Variants in CACNA1I observed in about 807,000 individuals in gnomAD.
The protein encoded by CACNA1I is voltage-dependent T-type calcium channel subunit alpha-1I.
A neutral mutation model predicts 201.6 loss-of-function variants in CACNA1I; 74 were observed. The ratio of observed to expected loss-of-function variants is 0.37; its 90% confidence interval spans 0.30 to 0.45. The LOEUF is 0.45. Among genes scored for constraint, CACNA1I ranks in the 20% least tolerant of loss-of-function variants. The probability of loss-of-function intolerance (pLI) is 1.00; values close to 1 mark genes in which losing one functional copy is unlikely to be tolerated. For synonymous variants in CACNA1I, 1,431 were observed against 1,345.2 expected, an observed-to-expected ratio of 1.06 and a Z score of -1.40; for missense variants, 2,346 against 3,138.1, an observed-to-expected ratio of 0.75 and a Z score of 6.03.
chr22:39,659,419 C>A lies in CACNA1I; in HGVS notation c.2331-14C>A, dbSNP rs1431625271. ...GCATGTGAGTCCGATGAGCCTCTTCCATCCTTTCCCCAGCATCCTTGGGAT... is the reference window on the plus strand; with the variant it reads ...GCATGTGAGTCCGATGAGCCTCTTCAATCCTTTCCCCAGCATCCTTGGGAT... On this transcript the variant is annotated splice_polypyrimidine_tract_variant and intron_variant, in intron 12 of 36. Coordinates refer to ENST00000402142, the MANE Select transcript of CACNA1I (RefSeq NM_021096.4). The surrounding 1 kb of genome is among the most constrained non-coding windows in gnomAD (Gnocchi z 4.3). 1 of 1,516,110 alleles carries A rather than the reference C, an allele frequency of 6.6e-7. No homozygotes were observed. The highest frequency in any genetic ancestry group is 2.0e-5 in the Admixed American group (1 of 51,110). The allele number at this position is 1,516,110 out of a possible 1,614,324, so 93.9% of individuals were successfully genotyped here.
chr22:39,656,318 C>T, intron 10 of CACNA1I: 1 of 493,260 alleles, frequency 2.0e-6, no homozygotes, highest in Non-Finnish European at 4.1e-6. Flanking sequence ...TGCTCTCGGT[C>T]CTCTGCTCTC....
At chr22:39,599,777 G>A (rs1426859461) in intron 2 of CACNA1I, among the ~76,000 whole-genome samples, 1 of 152,204 alleles carries the variant, frequency 6.6e-6, no homozygotes, top group Non-Finnish European at 1.5e-5. Flanking sequence ...TGAGTTCACC[G>A]AACAAGCACC....
At chr22:39,658,663 G>A (rs762544701) in intron 11 of CACNA1I, among the ~76,000 whole-genome samples, 2 of 152,314 alleles carry the variant, frequency 1.3e-5, no homozygotes, top group East Asian at 3.9e-4. Flanking sequence ...CAAAAGACAC[G>A]TTAAATCTCA....
intron 1 of CACNA1I, 22 bp downstream of exon 1, chr22:39,571,010 G>A (rs1370066815): frequency 6.3e-7 from 1 of 1,596,662 alleles, no homozygotes; most frequent in South Asian, 1.1e-5. Context: ...AGCCTCGGCT[G>A]ATCGGGGCCC....
At chr22:39,631,085 TC>T (rs1339580263) in intron 4 of CACNA1I, among the ~76,000 whole-genome samples, 1 of 152,166 alleles carries the variant, frequency 6.6e-6, no homozygotes, top group Non-Finnish European at 1.5e-5. Context: ...GTTGGAGGCT[TC>T]TGACTTCAGG....
At chr22:39,647,684 G>A (rs899351875) in intron 8 of CACNA1I, 138 bp from the exon 9 acceptor site, 2 of 642,364 alleles carry the variant, frequency 3.1e-6, no homozygotes, top group Non-Finnish European at 5.6e-6. Context: ...AAAGTGCTAG[G>A]ATTATAGGCA....
intron 1 of CACNA1I, among the ~76,000 whole-genome samples, chr22:39,585,727 G>GTTTTTTTTTT (rs34320968): frequency 3.6e-5 from 3 of 83,906 alleles, no homozygotes; most frequent in Admixed American, 2.1e-4. Context: ...AACTTTTAAA[G>GTTTTTTTTTT]TTTTTTTTTT....
At position 39,670,821 on chromosome 22, in the gene CACNA1I, A is replaced by C. The variant is rs1184025266; in HGVS notation, c.4406A>C (p.Tyr1469Ser). The C allele has an allele frequency of 1.2e-6, 2 of 1,613,498 alleles. No individual in the cohort carries two copies. The highest frequency in any genetic ancestry group is 1.7e-6 in the Non-Finnish European group (2 of 1,179,816). The change falls in exon 26 of 37, where the codon TAC (tyrosine) becomes TCC (serine). Residue 1469 changes from tyrosine (Y) to serine (S), a missense_variant. Transcript: ENST00000402142. The stretch of plus-strand genomic sequence containing the variant: ...CCTGCAGAGGCCCAGCGGCTGCCCT[A>C]CTATGCCACCTATTGTCACACCCGG... ...KKRRKAQRLP[Y>S]YATYCHTRLL...
intron 7 of CACNA1I, 57 bp from the exon 8 acceptor site, chr22:39,646,512 C>CCTT (rs1260619374): frequency 1.3e-6 from 2 of 1,485,452 alleles, no homozygotes; most frequent in African/African-American, 2.8e-5. Flanking sequence ...CCTCTCTCAC[C>CCTT]CTTCTGTCCC....
chr22:39,654,625 T>G (rs1337797743), intron 10 of CACNA1I, among the ~76,000 whole-genome samples: 1 of 151,964 alleles, frequency 6.6e-6, no homozygotes, highest in Admixed American at 6.6e-5. Flanking sequence ...AAGAATGGGG[T>G]GGCTTAGTGG....
chr22:39,604,504 T>C (rs1397685735), intron 3 of CACNA1I, among the ~76,000 whole-genome samples: 1 of 152,174 alleles, frequency 6.6e-6, no homozygotes, highest in Non-Finnish European at 1.5e-5. Context: ...TAATCATTTA[T>C]GAACAAGGGG....
At chr22:39,590,097 C>T (rs901440523) in intron 1 of CACNA1I, among the ~76,000 whole-genome samples, 6 of 152,166 alleles carry the variant, frequency 3.9e-5, no homozygotes, top group Non-Finnish European at 7.4e-5. Context: ...GGAGGCTGCC[C>T]TGCAGGGCCT....
chr22:39,572,963 G>C (rs531171583), intron 1 of CACNA1I, among the ~76,000 whole-genome samples: 3 of 152,188 alleles, frequency 2.0e-5, no homozygotes, highest in South Asian at 4.2e-4. Flanking sequence ...CACCATGTTG[G>C]TCAGGCTGGT....
chr22:39,687,785 T>C lies in CACNA1I; in HGVS notation c.*1380T>C, dbSNP rs1459596813. On this transcript the variant is annotated 3_prime_UTR_variant, in exon 37 of 37. Transcript: ENST00000402142. ...ACTATTTATTGGGAAAAAAATGCAT[T>C]GAACCCGTGATTTCACAGACATTTT... The C allele has an allele frequency of 6.6e-6, 1 of 152,256 alleles. No individual in the cohort carries two copies. The highest frequency in any genetic ancestry group is 2.4e-5 in the African/African-American group (1 of 41,460). 9.4% of individuals were successfully genotyped at this position (152,256 alleles called of 1,614,324 possible).
At chr22:39,681,797 A>G (rs560142674) in intron 34 of CACNA1I, among the ~76,000 whole-genome samples, 2 of 152,208 alleles carry the variant, frequency 1.3e-5, no homozygotes, top group African/African-American at 2.4e-5. Context: ...CTGGCCCTCC[A>G]TCAGCTCAGA....
At chr22:39,668,730 G>A (rs796282365) in intron 24 of CACNA1I, among the ~76,000 whole-genome samples, 38 of 152,330 alleles carry the variant, frequency 2.5e-4, no homozygotes, top group African/African-American at 7.7e-4. Flanking sequence ...GAGTGTGAGA[G>A]AGTGATGTGT....
At chr22:39,588,149 T>C (rs1193566550) in intron 1 of CACNA1I, among the ~76,000 whole-genome samples, 1 of 148,330 alleles carries the variant, frequency 6.7e-6, no homozygotes, top group Non-Finnish European at 1.5e-5. Flanking sequence ...TTTTTTTTTT[T>C]TGAGACAAAG....
rs780042784 is a variant in CACNA1I, at chr22:39,665,868, C to T, written c.3979-13C>T. On this transcript the variant is annotated splice_polypyrimidine_tract_variant and intron_variant, in intron 22 of 36. Transcript: ENST00000402142. The surrounding 1 kb of genome is among the most constrained non-coding windows in gnomAD (Gnocchi z 5.5). ...TCACCTGTGAGAGCACCAACCTCAC[C>T]CCCTTTCCCCAGCTCTTCAAGGGCA... The T allele has an allele frequency of 6.2e-7, 1 of 1,613,780 alleles. No homozygotes were observed. The highest frequency in any genetic ancestry group is 8.5e-7 in the Non-Finnish European group (1 of 1,179,850).
In CACNA1I at chr22:39,680,913, A is replaced by G. The variant is rs1416264884; in HGVS notation, c.5542-17A>G. On this transcript the variant is annotated splice_polypyrimidine_tract_variant and intron_variant, in intron 33 of 36. Coordinates refer to ENST00000402142, the MANE Select transcript of CACNA1I (RefSeq NM_021096.4). The stretch of plus-strand genomic sequence containing the variant: ...TCCCAAACCTGGGTGACCCGAGGCC[A>G]CCCCCTCTTCCTGCAGGTGCAGCTG... 1 of 1,603,568 alleles carries G rather than the reference A, an allele frequency of 6.2e-7. No individual in the cohort carries two copies. Among genetic ancestry groups the G allele is most frequent in the South Asian group, 1.1e-5 (1 of 89,810 alleles).
Sources: allele counts gnomAD v4.1 joint callset (sites outside exome capture counted in the v4.1 genomes callset), GRCh38; gene constraint gnomAD v4.1.1; non-coding constraint Gnocchi (gnomAD v3.1); transcripts MANE v1.5; gene names NCBI Gene and HGNC (gene_info 2026-07-23, HGNC 2026-07-21).